Variants in MYCBP2 observed in about 807,000 individuals in gnomAD.
The protein encoded by MYCBP2 is E3 ubiquitin-protein ligase MYCBP2.
MYCBP2 carries 120 observed loss-of-function variants against 525.3 expected under a neutral mutation model. The ratio of observed to expected loss-of-function variants is 0.23; its 90% CI spans 0.20 to 0.27. The LOEUF (loss-of-function observed/expected upper bound fraction) is 0.27. Among genes scored for constraint, MYCBP2 ranks in the 10% least tolerant of loss-of-function variants. The pLI is 1.00. For missense variants in MYCBP2, 4,149 were observed against 5,657.1 expected (o/e 0.73, Z 8.55); for synonymous variants, 1,894 against 1,955.8 (o/e 0.97, Z 0.83).
chr13:77,057,235 G>T (rs1236469644), intron 78 of MYCBP2, 142 bp from the exon 79 acceptor site: 2 of 587,316 alleles, frequency 3.4e-6, no homozygotes, highest in Non-Finnish European at 6.0e-6. Context: ...AATTCATTGG[G>T]ACACTGAAAT....
intron 30 of MYCBP2, among the ~76,000 whole-genome samples, chr13:77,186,991 T>G (rs1487664806): frequency 6.6e-6 from 1 of 151,900 alleles, no homozygotes; most frequent in Non-Finnish European, 1.5e-5. Flanking sequence ...TTTAAGTTTT[T>G]TTAGATGGGG....
chr13:77,127,960 G>C (rs867026191), intron 52 of MYCBP2, among the ~76,000 whole-genome samples: 48 of 151,820 alleles, frequency 3.2e-4, no homozygotes, highest in African/African-American at 1.1e-3. Flanking sequence ...TACATTTACT[G>C]TAATTATATT....
intron 47 of MYCBP2, among the ~76,000 whole-genome samples, chr13:77,149,792 C>A (rs964288243): frequency 3.3e-5 from 5 of 152,174 alleles, no homozygotes; most frequent in African/African-American, 1.2e-4. Flanking sequence ...CCTCCACTAG[C>A]TACCAGGTTC....
chr13:77,211,683 C>T (rs759196303), intron 22 of MYCBP2, among the ~76,000 whole-genome samples: 7 of 152,200 alleles, frequency 4.6e-5, no homozygotes, highest in Non-Finnish European at 8.8e-5. Context: ...AACTCTCTTA[C>T]TCTAATATGG....
intron 39 of MYCBP2, 87 bp from the exon 40 acceptor site, chr13:77,168,733 AAT>A (rs2058801874): frequency 8.3e-7 from 1 of 1,206,488 alleles, no homozygotes; most frequent in East Asian, 2.4e-5. Context: ...TGGTTACTCT[AAT>A]AACAATTTCC....
Position 77,278,787 on chromosome 13 carries a change from C to T in MYCBP2, c.719G>A (p.Gly240Asp), listed in dbSNP as rs759074058. 2 of 1,574,254 alleles carry T rather than the reference C, an allele frequency of 1.3e-6. No individual in the cohort carries two copies. Among genetic ancestry groups the T allele is most frequent in the Non-Finnish European group, 1.7e-6 (2 of 1,162,492 alleles). The stretch of plus-strand genomic sequence containing the variant: ...GACCTCAGGTGGCTCAGACTGGAGG[C>T]CTTCTGGCTGCTGGCCCTGCAGCAC... ...LNVLQGQQPEGLQSEPPEVLE... is the reference protein window; with the variant it reads ...LNVLQGQQPEDLQSEPPEVLE... The change falls in exon 4 of 83, where the codon GGC (glycine) becomes GAC (aspartate). Residue 240 changes from glycine (G) to aspartate (D), a missense_variant. This residue lies in a region of MYCBP2 where 413 missense variants were observed against 451.2 expected (regional missense o/e 0.92). Coordinates refer to ENST00000544440, the MANE Select transcript of MYCBP2 (RefSeq NM_015057.5).
chr13:77,284,653 A>T (rs2076549949), intron 3 of MYCBP2, among the ~76,000 whole-genome samples: 1 of 152,142 alleles, frequency 6.6e-6, no homozygotes, highest in Non-Finnish European at 1.5e-5. Flanking sequence ...TTTTTTTAAT[A>T]AACTGAAGAG....
At chr13:77,320,251 C>G (rs1000712557) in intron 1 of MYCBP2, among the ~76,000 whole-genome samples, 1 of 152,224 alleles carries the variant, frequency 6.6e-6, no homozygotes, top group African/African-American at 2.4e-5. Flanking sequence ...TCAGTTTTAG[C>G]TGCCAATATT....
rs1691052868 is a variant in MYCBP2, at chr13:77,157,995, A to T, written c.6712T>A (p.Ser2238Thr). 1.2e-6 allele frequency: 2 copies of T among 1,613,490 alleles called. No individual in the cohort carries two copies. The highest frequency in any genetic ancestry group is 1.7e-6 in the Non-Finnish European group (2 of 1,179,820). ...CAGGCAATAAAATCATCCAGAAAAGACTGTTCATTGCTTTGGATTTGGAGT... is the reference window on the plus strand; with the variant it reads ...CAGGCAATAAAATCATCCAGAAAAGTCTGTTCATTGCTTTGGATTTGGAGT... ...LPLQIQSNEQ[S>T]FLDDFIACVP... The change falls in exon 45 of 83, where the codon TCT (serine) becomes ACT (threonine). Residue 2238 changes from serine to threonine, a missense_variant. By Grantham distance (58) the Ser-to-Thr change is moderately conservative. Around this residue, in one of 21 missense-constraint regions of MYCBP2, gnomAD observed 692 missense variants for 852.7 expected, o/e 0.81. Coordinates refer to ENST00000544440, the MANE Select transcript of MYCBP2 (RefSeq NM_015057.5).
intron 60 of MYCBP2, 143 bp downstream of exon 60, chr13:77,089,963 A>G: frequency 1.5e-6 from 1 of 666,240 alleles, no homozygotes; most frequent in East Asian, 3.0e-5. Flanking sequence ...TATGTCATAT[A>G]GAAGGAATGT....
chr13:77,262,009 T>G (rs774211538), intron 11 of MYCBP2, 44 bp downstream of exon 11: 2 of 1,478,762 alleles, frequency 1.4e-6, no homozygotes, highest in Non-Finnish European at 1.9e-6. Context: ...TTTAATCTCT[T>G]AAATCAGAGA....
At chr13:77,107,990 A>C (rs1026472107) in intron 55 of MYCBP2, among the ~76,000 whole-genome samples, 2 of 152,180 alleles carry the variant, frequency 1.3e-5, no homozygotes, top group Non-Finnish European at 2.9e-5. Flanking sequence ...TAAAAGAATT[A>C]GACTAAAGAT....
chr13:77,270,529 T>G lies in MYCBP2; in HGVS notation c.955A>C (p.Ile319Leu). ...ACACTTCTCTGTAGCGAATTTAGAA[T>G]TGTTGGCACCTAATCAAAAGAGAAG... ...HACQTIQVPT[I>L]LNSLQRSVQA... Residue 319 changes from isoleucine to leucine, a missense_variant, in exon 6 of 83, where the codon ATT becomes CTT. This residue lies in a region of MYCBP2 where 413 missense variants were observed against 451.2 expected (regional missense o/e 0.92). Transcript: ENST00000544440. The G allele has an allele frequency of 1.9e-6, 3 of 1,605,422 alleles. No homozygotes were observed. The highest frequency in any genetic ancestry group is 2.6e-6 in the Non-Finnish European group (3 of 1,174,492).
chr13:77,122,783 T>C (rs1475805672), intron 54 of MYCBP2, among the ~76,000 whole-genome samples: 2 of 152,040 alleles, frequency 1.3e-5, no homozygotes, highest in Non-Finnish European at 1.5e-5. Context: ...ACCTGTAAAT[T>C]GCAATTCTGC....
chr13:77,108,940 G>A (rs555090500), intron 55 of MYCBP2, among the ~76,000 whole-genome samples: 6 of 152,142 alleles, frequency 3.9e-5, no homozygotes, highest in East Asian at 3.9e-4. Context: ...TGATTCACCC[G>A]CCTCATCCTC....
rs770601907 is a variant in MYCBP2 at position 77,126,437 on chromosome 13, C to T, written c.7765G>A (p.Gly2589Ser). 1.9e-6 allele frequency: 3 copies of T among 1,614,002 alleles called. No individual in the cohort carries two copies. The highest frequency in any genetic ancestry group is 2.5e-6 in the Non-Finnish European group (3 of 1,179,906). The change falls in exon 53 of 83, where the codon GGC (glycine) becomes AGC (serine). Residue 2589 changes from glycine (G) to serine (S), a missense_variant. Gly to Ser is a moderately conservative substitution (Grantham distance 56). Coordinates refer to ENST00000544440, the MANE Select transcript of MYCBP2 (RefSeq NM_015057.5). ...QDMPFLRGGP[G>S]MYKVVKTGPS... Reference sequence around the variant, plus strand: ...CCCGTCTTCACTACCTTGTACATGCCTGGCCCTCCTCGCAAGAATGGCATA... The same window carrying T: ...CCCGTCTTCACTACCTTGTACATGCTTGGCCCTCCTCGCAAGAATGGCATA...
At chr13:77,303,592 A>C (rs1226450709) in intron 1 of MYCBP2, among the ~76,000 whole-genome samples, 1 of 152,236 alleles carries the variant, frequency 6.6e-6, no homozygotes, top group African/African-American at 2.4e-5. Context: ...AATGTTTGGC[A>C]ATCAAAAAAA....
intron 14 of MYCBP2, among the ~76,000 whole-genome samples, chr13:77,253,447 AACT>A (rs2071573991): frequency 6.6e-6 from 1 of 151,988 alleles, no homozygotes; most frequent in Non-Finnish European, 1.5e-5. Flanking sequence ...AACAATCTAT[AACT>A]ACTTGTAACA....
chr13:77,118,480 G>A (rs1388537346), intron 55 of MYCBP2: 2 of 764,766 alleles, frequency 2.6e-6, no homozygotes, highest in Non-Finnish European at 4.8e-6. Context: ...ATTCAATATG[G>A]CACTCAGTTG....
Sources: allele counts gnomAD v4.1 joint callset (sites outside exome capture counted in the v4.1 genomes callset), GRCh38; gene constraint gnomAD v4.1.1; regional missense constraint gnomAD v4.1.1; transcripts MANE v1.5; gene names NCBI Gene and HGNC (gene_info 2026-07-23, HGNC 2026-07-21).